TRIM56: variants seen among roughly 807,000 people sequenced by gnomAD.
The protein encoded by TRIM56 is tripartite motif containing 56.
A neutral mutation model predicts 17.1 loss-of-function variants in TRIM56; 10 were observed. The ratio of observed to expected loss-of-function variants is 0.58; its 90% CI spans 0.36 to 0.99. The LOEUF (loss-of-function observed/expected upper bound fraction) is 0.99. TRIM56 is among the 50% of genes least tolerant of loss of function. The probability of loss-of-function intolerance (pLI) is 0.01; values close to 1 mark genes in which losing one functional copy is unlikely to be tolerated. For synonymous variants in TRIM56, 503 were observed against 473.5 expected (o/e 1.06, Z -0.81); for missense variants, 923 against 1,052.3 (o/e 0.88, Z 1.70).
chr7:101,091,833 GC>G lies in TRIM56; in HGVS notation c.*2255del, dbSNP rs1795570724. ...TCCATGGTCACGGTCTCCCTCTGAT[GC>G]CGAGCCGAAGCTGGACTGTACTGCT... On this transcript the variant is annotated 3_prime_UTR_variant, in exon 3 of 3. Transcript: ENST00000306085. 2.5e-6 allele frequency: 1 copy of G among 401,834 alleles called. No individual in the cohort carries two copies. Among genetic ancestry groups the G allele is most frequent in the Non-Finnish European group, 4.8e-6 (1 of 207,404 alleles). 24.9% of individuals were successfully genotyped at this position (401,834 alleles called of 1,614,324 possible). A position where few individuals can be genotyped will look rare whatever the true frequency, so the allele number is the denominator to read the frequency against.
chr7:101,089,448 T>C lies in TRIM56; in HGVS notation c.2136T>C (p.Leu712=), dbSNP rs968194674. 1.9e-6 allele frequency: 3 copies of C among 1,614,216 alleles called. No individual in the cohort carries two copies. The highest frequency in any genetic ancestry group is 1.3e-5 in the African/African-American group (1 of 75,070). The change falls in exon 3 of 3, where the codon CTT becomes CTC. Residue 712 remains leucine, a synonymous_variant. Transcript: ENST00000306085. ...TCCTGGACCCGAAGGGGTCCCTCCT[T>C]GGAGACTTCCTGACAGCCTACCACG... ...VVILDPKGSL[L]GDFLTAYHGL...
intron 1 of TRIM56, among the ~76,000 whole-genome samples, chr7:101,086,560 CA>C (rs768912765): frequency 0.15 from 5,701 of 39,090 alleles, 38 homozygotes; most frequent in African/African-American, 0.19. Context: ...GACTCTGTCT[CA>C]AAAAAAAAAA....
chr7:101,088,489 C>T lies in TRIM56; in HGVS notation c.1177C>T (p.Gln393Ter). ...TGGTACCCAGGGAGGTGAGGAGAGC[C>T]AGAGCCGGAGGGAGGATGAGCCGAA... ...GAGTQGGEESQSRREDEPKTE... is the reference protein window; with the variant it reads ...GAGTQGGEES Residue 393 changes from glutamine to a stop codon, truncating the protein, a stop_gained, in exon 3 of 3, where the codon CAG (glutamine) becomes TAG (stop). Coordinates refer to ENST00000306085, the MANE Select transcript of TRIM56 (RefSeq NM_030961.3). LOFTEE classifies it low-confidence loss of function (END_TRUNC). The T allele has an allele frequency of 6.2e-7, 1 of 1,613,880 alleles. No individual in the cohort carries two copies. The highest frequency in any genetic ancestry group is 8.5e-7 in the Non-Finnish European group (1 of 1,179,898).
At position 101,094,264 on chromosome 7, in the gene TRIM56, A is replaced by G. The variant is rs1795624247; in HGVS notation, c.*4684A>G. 1 of 152,252 alleles carries G rather than the reference A, an allele frequency of 6.6e-6. No homozygotes were observed. Among genetic ancestry groups the G allele is most frequent in the Non-Finnish European group, 1.5e-5 (1 of 68,052 alleles). The allele number at this position is 152,252 out of a possible 1,614,324, so 9.4% of individuals were successfully genotyped here. On this transcript the variant is annotated 3_prime_UTR_variant, in exon 3 of 3. Coordinates refer to ENST00000306085, the MANE Select transcript of TRIM56 (RefSeq NM_030961.3). The stretch of plus-strand genomic sequence containing the variant: ...AATCAGGAATTATGATCAAATAGTG[A>G]TAGTAACAAGGAAAACATCTGTCTA...
intron 1 of TRIM56, among the ~76,000 whole-genome samples, chr7:101,086,552 CTCTGTCTCAAAAAAAAA>C (rs1219402581): frequency 1.7e-5 from 2 of 114,668 alleles, no homozygotes; most frequent in Non-Finnish European, 1.7e-5. Context: ...CAGAGTGAGA[CTCTGTCTCAAAAAAAAA>C]AAAAAAAAAA....
Position 101,089,523 on chromosome 7 carries a change from C to G in TRIM56, c.2211C>G (p.Val737=). 1 of 1,614,100 alleles carries G rather than the reference C, an allele frequency of 6.2e-7. No homozygotes were observed. The highest frequency in any genetic ancestry group is 1.3e-5 in the African/African-American group (1 of 75,036). Reference sequence around the variant, plus strand: ...CCATGGTGGATGGCAGGTACCTGGTCGTGTCCCTCAGTAACGGGACCATCC... The same window carrying G: ...CCATGGTGGATGGCAGGTACCTGGTGGTGTCCCTCAGTAACGGGACCATCC... ...VTTMVDGRYL[V]VSLSNGTIHI... is the part of the protein sequence containing the mutation. Residue 737 remains valine, a synonymous_variant, in exon 3 of 3, where the codon GTC becomes GTG. Transcript: ENST00000306085.
In TRIM56 at chr7:101,090,405, G is replaced by T. The variant is rs180732813; in HGVS notation, c.*825G>T. The T allele has an allele frequency of 0.018, 2,870 of 162,344 alleles. 55 individuals carry two copies. The highest frequency in any genetic ancestry group is 0.023 in the Middle Eastern group (7 of 298). 10.1% of individuals were successfully genotyped at this position (162,344 alleles called of 1,614,324 possible). ...TTTGGGAGTCTGTGGCAGGAGGATT[G>T]CTTGAGGCCAGGAGTTTGAGACCAG... On this transcript the variant is annotated 3_prime_UTR_variant, in exon 3 of 3. Coordinates refer to ENST00000306085, the MANE Select transcript of TRIM56 (RefSeq NM_030961.3).
Position 101,088,922 on chromosome 7 carries a change from AC to A in TRIM56, c.1611del (p.Asn537LysfsTer49). ...CGGGCACTGAAACGCTTCTCCCTCA[AC>A]GGCGACTACAAGGGCACCGTGCCGG... ...QNRALKRFSL[N>X]GDYKGTVPVP... is the part of the protein sequence containing the mutation. On this transcript the variant is annotated frameshift_variant, in exon 3 of 3. Coordinates refer to ENST00000306085, the MANE Select transcript of TRIM56 (RefSeq NM_030961.3). LOFTEE classifies it high-confidence loss of function. 1 of 1,613,684 alleles carries A rather than the reference AC, an allele frequency of 6.2e-7. No homozygotes were observed. Among genetic ancestry groups the A allele is most frequent in the Non-Finnish European group, 8.5e-7 (1 of 1,180,002 alleles).
Position 101,089,524 on chromosome 7 carries a change from G to A in TRIM56, c.2212G>A (p.Val738Met), listed in dbSNP as rs200686433. The change falls in exon 3 of 3, where the codon GTG becomes ATG. Residue 738 changes from valine to methionine, a missense_variant. Val to Met is a conservative substitution (Grantham distance 21, BLOSUM62 1). Around this residue, in one of 3 missense-constraint regions of TRIM56, gnomAD observed 182 missense variants for 243.1 expected, o/e 0.75. Coordinates refer to ENST00000306085, the MANE Select transcript of TRIM56 (RefSeq NM_030961.3). Reference protein sequence around the residue: ...TTMVDGRYLVVSLSNGTIHIF... With the variant: ...TTMVDGRYLVMSLSNGTIHIF... ...CATGGTGGATGGCAGGTACCTGGTC[G>A]TGTCCCTCAGTAACGGGACCATCCA... 85 of 1,614,082 alleles carry A rather than the reference G, an allele frequency of 5.3e-5. 1 individual carries two copies. Among genetic ancestry groups the A allele is most frequent in the Admixed American group, 5.2e-4 (31 of 60,004 alleles).
rs1795533480 is a variant in TRIM56, at chr7:101,089,858, C to T, written c.*278C>T. On this transcript the variant is annotated 3_prime_UTR_variant, in exon 3 of 3. Coordinates refer to ENST00000306085, the MANE Select transcript of TRIM56 (RefSeq NM_030961.3). ...TGCTTTTTGTGGGTGGCTGCTGCCA[C>T]CACCGCCGCTGCTATATAGTTTAGG... The T allele has an allele frequency of 2.4e-6, 1 of 421,384 alleles. No homozygotes were observed. Among genetic ancestry groups the T allele is most frequent in the Non-Finnish European group, 4.5e-6 (1 of 223,784 alleles). 26.1% of individuals were successfully genotyped at this position (421,384 alleles called of 1,614,324 possible).
Position 101,096,533 on chromosome 7 carries a change from G to C in TRIM56, c.*6953G>C, listed in dbSNP as rs1485059264. ...TCTCTGAGCCTCAGTTTGTACATCA[G>C]TAACATTGGGATAATGACATCCACA... On this transcript the variant is annotated 3_prime_UTR_variant, in exon 3 of 3. Transcript: ENST00000306085. The C allele has an allele frequency of 6.6e-6, 1 of 152,210 alleles. No homozygotes were observed. Among genetic ancestry groups the C allele is most frequent in the Non-Finnish European group, 1.5e-5 (1 of 68,062 alleles). The allele number at this position is 152,210 out of a possible 1,614,324, so 9.4% of individuals were successfully genotyped here.
rs370056697 is a variant in TRIM56, at chr7:101,089,449, G to A, written c.2137G>A (p.Gly713Arg). Residue 713 changes from glycine (G) to arginine (R), a missense_variant, in exon 3 of 3, where the codon GGA (glycine) becomes AGA (arginine). Gly to Arg is a moderately radical substitution (Grantham distance 125, BLOSUM62 -2). Coordinates refer to ENST00000306085, the MANE Select transcript of TRIM56 (RefSeq NM_030961.3). ...CCTGGACCCGAAGGGGTCCCTCCTT[G>A]GAGACTTCCTGACAGCCTACCACGG... ...VILDPKGSLLGDFLTAYHGLE... is the reference protein window; with the variant it reads ...VILDPKGSLLRDFLTAYHGLE... 6.1e-5 allele frequency: 99 copies of A among 1,614,116 alleles called. No individual in the cohort carries two copies. The highest frequency in any genetic ancestry group is 8.3e-5 in the Non-Finnish European group (98 of 1,180,042).
Position 101,089,343 on chromosome 7 carries a change from T to C in TRIM56, c.2031T>C (p.His677=). Residue 677 remains histidine, a synonymous_variant, in exon 3 of 3, where the codon CAT becomes CAC. Coordinates refer to ENST00000306085, the MANE Select transcript of TRIM56 (RefSeq NM_030961.3). ...GGGAGTACAAGGGGCCAGGCCTGCA[T>C]GGCTGCCAGCCGGGCTCCGTGTCTG... ...VVGEYKGPGL[H]GCQPGSVSVD... The C allele has an allele frequency of 6.2e-7, 1 of 1,607,928 alleles. No homozygotes were observed. The highest frequency in any genetic ancestry group is 8.5e-7 in the Non-Finnish European group (1 of 1,175,406).
rs1189520074 is a variant in TRIM56 at position 101,093,925 on chromosome 7, G to A, written c.*4345G>A. 6.6e-6 allele frequency: 1 copy of A among 152,136 alleles called. No individual in the cohort carries two copies. Among genetic ancestry groups the A allele is most frequent in the East Asian group, 1.9e-4 (1 of 5,196 alleles). 9.4% of individuals were successfully genotyped at this position (152,136 alleles called of 1,614,324 possible). ...AAATCTTGCGGAGAAATAGACTCCT[G>A]GCACTATAAAAATGATCCTGGAGAA... On this transcript the variant is annotated 3_prime_UTR_variant, in exon 3 of 3. Coordinates refer to ENST00000306085, the MANE Select transcript of TRIM56 (RefSeq NM_030961.3).
At position 101,089,444 on chromosome 7, in the gene TRIM56, T is replaced by G. The variant is rs1795525983; in HGVS notation, c.2132T>G (p.Leu711Arg). 6.2e-7 allele frequency: 1 copy of G among 1,614,118 alleles called. No homozygotes were observed. The highest frequency in any genetic ancestry group is 8.5e-7 in the Non-Finnish European group (1 of 1,180,038). The change falls in exon 3 of 3, where the codon CTC becomes CGC. Residue 711 changes from leucine to arginine, a missense_variant. By Grantham distance (102) the Leu-to-Arg change is moderately radical. Around this residue, in one of 3 missense-constraint regions of TRIM56, gnomAD observed 182 missense variants for 243.1 expected, o/e 0.75. Transcript: ENST00000306085. ...GTGATCCTGGACCCGAAGGGGTCCC[T>G]CCTTGGAGACTTCCTGACAGCCTAC... ...KVVILDPKGSLLGDFLTAYHG... is the reference protein window; with the variant it reads ...KVVILDPKGSRLGDFLTAYHG...
chr7:101,090,633 A>G lies in TRIM56; in HGVS notation c.*1053A>G, dbSNP rs1023472525. 6.7e-6 allele frequency: 1 copy of G among 150,368 alleles called. No individual in the cohort carries two copies. The highest frequency in any genetic ancestry group is 1.5e-5 in the Non-Finnish European group (1 of 67,532). 9.3% of individuals were successfully genotyped at this position (150,368 alleles called of 1,614,324 possible). A position where few individuals can be genotyped will look rare whatever the true frequency, so the allele number is the denominator to read the frequency against. On this transcript the variant is annotated 3_prime_UTR_variant, in exon 3 of 3. Transcript: ENST00000306085. ...AAAAAAAAAAAAAAAAAAAAAACAGAAACAACAGAAAAAGCAGGTTATCCA... is the reference window on the plus strand; with the variant it reads ...AAAAAAAAAAAAAAAAAAAAAACAGGAACAACAGAAAAAGCAGGTTATCCA...
chr7:101,091,808 T>G lies in TRIM56; in HGVS notation c.*2228T>G. The G allele has an allele frequency of 2.4e-6, 1 of 422,900 alleles. No homozygotes were observed. Among genetic ancestry groups the G allele is most frequent in the Non-Finnish European group, 4.6e-6 (1 of 217,594 alleles). 26.2% of individuals were successfully genotyped at this position (422,900 alleles called of 1,614,324 possible). The stretch of plus-strand genomic sequence containing the variant: ...CCCACGGTCTCCCTCTGCCTCTCTT[T>G]CCATGGTCACGGTCTCCCTCTGATG... On this transcript the variant is annotated 3_prime_UTR_variant, in exon 3 of 3. Transcript: ENST00000306085.
rs1380146168 is a variant in TRIM56, at chr7:101,089,408, T to C, written c.2096T>C (p.Val699Ala). 1.2e-6 allele frequency: 2 copies of C among 1,614,048 alleles called. No individual in the cohort carries two copies. Among genetic ancestry groups the C allele is most frequent in the Admixed American group, 1.7e-5 (1 of 60,014 alleles). ...KGYIFLTLRE[V>A]NKVVILDPKG... ...TACATCTTTCTGACCCTTCGAGAAG[T>C]CAACAAGGTGGTGATCCTGGACCCG... The change falls in exon 3 of 3, where the codon GTC becomes GCC. Residue 699 changes from valine to alanine, a missense_variant. By Grantham distance (64) the Val-to-Ala change is moderately conservative. Transcript: ENST00000306085.
rs1288646889 is a variant in TRIM56 at position 101,088,086 on chromosome 7, G to C, written c.774G>C (p.Ala258=). 8 of 1,514,784 alleles carry C rather than the reference G, an allele frequency of 5.3e-6. No homozygotes were observed. Among genetic ancestry groups the C allele is most frequent in the Non-Finnish European group, 7.1e-6 (8 of 1,132,496 alleles). 93.8% of individuals were successfully genotyped at this position (1,514,784 alleles called of 1,614,324 possible). The change falls in exon 3 of 3, where the codon GCG becomes GCC. Residue 258 remains alanine, a synonymous_variant. Coordinates refer to ENST00000306085, the MANE Select transcript of TRIM56 (RefSeq NM_030961.3). ...AARVGTQVEE[A]AEGVLRALLA... ...GGGTGGGGACTCAGGTGGAGGAGGC[G>C]GCTGAGGGCGTCCTCCGGGCCCTGC...
Sources: allele counts gnomAD v4.1 joint callset (sites outside exome capture counted in the v4.1 genomes callset), GRCh38; gene constraint gnomAD v4.1.1; regional missense constraint gnomAD v4.1.1; transcripts MANE v1.5; gene names NCBI Gene and HGNC (gene_info 2026-07-23, HGNC 2026-07-21).